The following BFSP1 variants were observed in gnomAD, a reference collection of about 807,000 sequenced individuals.
BFSP1 encodes beaded filament structural protein 1.
In BFSP1, 38 loss-of-function variants were observed where a neutral mutation model predicts 43.9. The ratio of observed to expected loss-of-function variants is 0.87; its 90% CI spans 0.67 to 1.14. The LOEUF (loss-of-function observed/expected upper bound fraction) is 1.14. Among genes scored for constraint, BFSP1 ranks in the 50% most tolerant of loss-of-function variants. The probability of loss-of-function intolerance (pLI) is 0.00; values close to 1 mark genes in which losing one functional copy is unlikely to be tolerated. For synonymous variants in BFSP1, 352 were observed against 354.8 expected, an observed-to-expected ratio of 0.99 and a Z score of 0.09; for missense variants, 850 against 875.1, an observed-to-expected ratio of 0.97 and a Z score of 0.36.
At chr20:17,519,701 T>C (rs1457989469) in intron 2 of BFSP1, among the ~76,000 whole-genome samples, 1 of 152,178 alleles carries the variant, frequency 6.6e-6, no homozygotes, top group East Asian at 1.9e-4. Flanking sequence ...CTCATAGTGA[T>C]AGTAAAAGGC....
chr20:17,541,641 G>T (rs2034720999), intron 1 of BFSP1, among the ~76,000 whole-genome samples: 1 of 152,210 alleles, frequency 6.6e-6, no homozygotes, highest in African/African-American at 2.4e-5. Flanking sequence ...AACAAAATAA[G>T]AGAGGTCCTT....
At position 17,497,076 on chromosome 20, in the gene BFSP1, G is replaced by A. The variant is rs951597399; in HGVS notation, c.957-53C>T. ...CCAAACAGAGGTCAGGGGCAAGAGCGACTCTCGTTAATGTTGAGCAAAAAT... is the reference window on the plus strand; with the variant it reads ...CCAAACAGAGGTCAGGGGCAAGAGCAACTCTCGTTAATGTTGAGCAAAAAT... On this transcript the variant is annotated intron_variant, in intron 6 of 7. Coordinates refer to ENST00000377873, the MANE Select transcript of BFSP1 (RefSeq NM_001195.5). 1.7e-5 allele frequency: 23 copies of A among 1,359,220 alleles called. No individual in the cohort carries two copies. The African/African-American group carries it at 2.1e-4, about 12-fold the overall frequency. The allele number at this position is 1,359,220 out of a possible 1,614,324, so 84.2% of individuals were successfully genotyped here.
intron 2 of BFSP1, among the ~76,000 whole-genome samples, chr20:17,516,660 G>GC (rs1409664794): frequency 6.6e-6 from 1 of 152,146 alleles, no homozygotes; most frequent in Non-Finnish European, 1.5e-5. Context: ...TAAGGGAGTG[G>GC]CCAACCCTCA....
intron 1 of BFSP1, among the ~76,000 whole-genome samples, chr20:17,568,714 T>A (rs904952276): frequency 6.6e-6 from 1 of 152,108 alleles, no homozygotes; most frequent in Non-Finnish European, 1.5e-5. Flanking sequence ...ACTGTCTTTT[T>A]TAAAAAGAAC....
At chr20:17,566,770 C>G (rs2035124523) in intron 1 of BFSP1, among the ~76,000 whole-genome samples, 1 of 152,194 alleles carries the variant, frequency 6.6e-6, no homozygotes, top group Non-Finnish European at 1.5e-5. Context: ...TTCCCTGCCT[C>G]AGCCTCCTGA....
In BFSP1 at chr20:17,531,095, C is replaced by T. The variant is rs2034525582; in HGVS notation, c.235G>A (p.Gly79Ser). 1.5e-6 allele frequency: 2 copies of T among 1,361,568 alleles called. No individual in the cohort carries two copies. Among genetic ancestry groups the T allele is most frequent in the East Asian group, 3.1e-5 (1 of 32,176 alleles). 84.3% of individuals were successfully genotyped at this position (1,361,568 alleles called of 1,614,324 possible). A position where few individuals can be genotyped will look rare whatever the true frequency, so the allele number is the denominator to read the frequency against. Residue 79 changes from glycine to serine, a missense_variant, in exon 1 of 8, where the codon GGC (glycine) becomes AGC (serine). Coordinates refer to ENST00000377873, the MANE Select transcript of BFSP1 (RefSeq NM_001195.5). Reference sequence around the variant, plus strand: ...GCGTCCTCGGGCCCGGCCAGCTCGCCCAGGCGCTGGAAGGCATCCAGCTGC... The same window carrying T: ...GCGTCCTCGGGCCCGGCCAGCTCGCTCAGGCGCTGGAAGGCATCCAGCTGC... ...RRQLDAFQRL[G>S]ELAGPEDALA...
intron 5 of BFSP1, chr20:17,506,820 C>G (rs1047314917): frequency 2.0e-5 from 3 of 152,216 alleles, no homozygotes; most frequent in African/African-American, 7.2e-5. Context: ...CCACCACACC[C>G]AGCCTGGTTT....
At chr20:17,505,845 C>T (rs929579966) in intron 5 of BFSP1, among the ~76,000 whole-genome samples, 11 of 152,292 alleles carry the variant, frequency 7.2e-5, no homozygotes, top group Non-Finnish European at 1.3e-4. Context: ...AGCTCCCGGG[C>T]GCACCCAGCC....
At chr20:17,535,394 G>T (rs182912923), upstream of BFSP1, among the ~76,000 whole-genome samples, 1,177 of 152,166 alleles carry the variant, frequency 7.7e-3, 7 homozygotes, top group South Asian at 0.017. Flanking sequence ...AGCAAGGCAT[G>T]GTGCTACACA....
At chr20:17,543,942 G>A (rs947636375) in intron 1 of BFSP1, among the ~76,000 whole-genome samples, 1 of 152,222 alleles carries the variant, frequency 6.6e-6, no homozygotes, top group East Asian at 1.9e-4. Context: ...AGACTTAAAT[G>A]TTGTCTGGCA....
At chr20:17,566,265 C>T (rs2035118341) in intron 1 of BFSP1, among the ~76,000 whole-genome samples, 1 of 152,144 alleles carries the variant, frequency 6.6e-6, no homozygotes, top group South Asian at 2.1e-4. Flanking sequence ...GAGCTTTCCC[C>T]AGCCTATCTA....
intron 2 of BFSP1, among the ~76,000 whole-genome samples, chr20:17,518,964 C>A (rs1322594045): frequency 6.6e-6 from 1 of 152,212 alleles, no homozygotes; most frequent in South Asian, 2.1e-4. Flanking sequence ...CAGTGGTTCC[C>A]TGTGGAGTGA....
Position 17,494,550 on chromosome 20 carries a change from CG to C in BFSP1, c.1521del (p.Asp507GlufsTer15). 6.2e-7 allele frequency: 1 copy of C among 1,614,168 alleles called. No homozygotes were observed. The highest frequency in any genetic ancestry group is 1.1e-5 in the South Asian group (1 of 91,086). On this transcript the variant is annotated frameshift_variant, in exon 8 of 8. Coordinates refer to ENST00000377873, the MANE Select transcript of BFSP1 (RefSeq NM_001195.5). LOFTEE classifies it low-confidence loss of function (END_TRUNC). ...VSVAEDSVLY[D>X]GQVEPSPESP... ...GACTCAGGAGAGGGCTCCACCTGGCCGTCATAAAGCACAGAGTCTTCCGCAA... is the reference window on the plus strand; with the variant it reads ...GACTCAGGAGAGGGCTCCACCTGGCCTCATAAAGCACAGAGTCTTCCGCAA...
At chr20:17,501,279 A>G in intron 5 of BFSP1, among the ~76,000 whole-genome samples, 1 of 152,234 alleles carries the variant, frequency 6.6e-6, no homozygotes, top group South Asian at 2.1e-4. Context: ...GGTGTTCGGC[A>G]AATGGCCGGG....
exon 1 of BFSP1, chr20:17,558,862 G>T (rs1337514916): frequency 1.0e-5 from 9 of 883,066 alleles, no homozygotes; most frequent in Non-Finnish European, 1.5e-5. Flanking sequence ...TTGCAGAGAG[G>T]AAGTGACTCA....
chr20:17,543,898 G>A (rs1407720032), intron 1 of BFSP1, among the ~76,000 whole-genome samples: 1 of 152,208 alleles, frequency 6.6e-6, no homozygotes, highest in Non-Finnish European at 1.5e-5. Flanking sequence ...TGTATAAACT[G>A]GACGTGATAG....
At chr20:17,556,874 A>AG (rs1277816509) in intron 1 of BFSP1, among the ~76,000 whole-genome samples, 1 of 151,982 alleles carries the variant, frequency 6.6e-6, no homozygotes, top group Non-Finnish European at 1.5e-5. Flanking sequence ...ATAAATCTGT[A>AG]TTTTTTTAAT....
At chr20:17,499,403 C>CTTTTTTTTTT (rs34583097) in intron 5 of BFSP1, among the ~76,000 whole-genome samples, 1 of 82,076 alleles carries the variant, frequency 1.2e-5, no homozygotes, top group Non-Finnish European at 2.4e-5. Context: ...ACATGCTGGG[C>CTTTTTTTTTT]TTTTTTTTTT....
chr20:17,505,573 C>T (rs1321901965), intron 5 of BFSP1, among the ~76,000 whole-genome samples: 3 of 152,082 alleles, frequency 2.0e-5, no homozygotes, highest in Admixed American at 1.3e-4. Flanking sequence ...CGGTGTGCGG[C>T]CACATCTTCC....
Sources: gnomAD v4.1 joint callset for allele counts (sites outside exome capture counted in the v4.1 genomes callset) on GRCh38, gnomAD v4.1.1 for gene constraint, MANE v1.5 for transcripts, NCBI Gene and HGNC (gene_info 2026-07-23, HGNC 2026-07-21) for gene names.